Variants in POLA1 observed in about 807,000 individuals in gnomAD.
POLA1 encodes the protein DNA polymerase alpha 1, catalytic subunit.
In POLA1, 15 loss-of-function variants were observed where a neutral mutation model predicts 124.0. The observed-to-expected ratio is 0.12, with a 90% CI of 0.08 to 0.19. The LOEUF is 0.19. Ranked by LOEUF, POLA1 falls within the 10% of genes least tolerant of loss-of-function variation. POLA1 has a pLI of 1.00. For missense variants in POLA1, 886 were observed against 1,103.4 expected (o/e 0.80, Z 2.79); for synonymous variants, 408 against 389.4 (o/e 1.05, Z -0.56).
At chrX:24,989,156 G>A (rs938677249) in intron 36 of POLA1, among the ~76,000 whole-genome samples, 3 of 111,487 alleles carry the variant, frequency 2.7e-5, no homozygotes, top group East Asian at 2.8e-4. Flanking sequence ...AATTTTTATA[G>A]TCCTGGTTCT....
intron 26 of POLA1, among the ~76,000 whole-genome samples, chrX:24,790,632 T>C (rs1008143078): frequency 9.0e-6 from 1 of 110,890 alleles, no homozygotes; most frequent in African/African-American, 3.3e-5. Context: ...TGTTCCAACA[T>C]TAGCTTTTAC....
intron 36 of POLA1, among the ~76,000 whole-genome samples, chrX:24,935,451 G>T (rs2047836409): frequency 8.9e-6 from 1 of 112,810 alleles, no homozygotes; most frequent in Non-Finnish European, 1.9e-5. Flanking sequence ...TGACTTCCCA[G>T]TGGGGGTCTC....
At chrX:24,762,669 AG>A (rs1282051089) in intron 26 of POLA1, among the ~76,000 whole-genome samples, 1 of 110,972 alleles carries the variant, frequency 9.0e-6, no homozygotes, top group Non-Finnish European at 1.9e-5. Flanking sequence ...GCAAGGCTGG[AG>A]GGGTAATCAA....
At chrX:24,811,988 A>G (rs902455988) in intron 28 of POLA1, among the ~76,000 whole-genome samples, 1 of 112,662 alleles carries the variant, frequency 8.9e-6, no homozygotes, top group African/African-American at 3.2e-5. Context: ...ATGTCATCTT[A>G]CAAACTAACA....
chrX:24,782,702 C>T (rs1305020077), intron 26 of POLA1, among the ~76,000 whole-genome samples: 2 of 110,866 alleles, frequency 1.8e-5, no homozygotes, highest in African/African-American at 3.3e-5. Context: ...CCAATAATAC[C>T]GTTTTATTCT....
intron 36 of POLA1, among the ~76,000 whole-genome samples, chrX:24,941,756 T>TAA (rs2047910349): frequency 8.9e-6 from 1 of 112,229 alleles, no homozygotes; most frequent in Non-Finnish European, 1.9e-5. Flanking sequence ...ATCATTGAGT[T>TAA]AAATCAACAC....
intron 26 of POLA1, among the ~76,000 whole-genome samples, chrX:24,797,949 G>A (rs894619971): frequency 9.1e-6 from 1 of 109,620 alleles, no homozygotes. Context: ...TTGGGAGGGT[G>A]ATGTGGGAGG....
chrX:24,893,811 G>A (rs1319876910), intron 35 of POLA1, among the ~76,000 whole-genome samples: 3 of 111,819 alleles, frequency 2.7e-5, no homozygotes, highest in Non-Finnish European at 5.6e-5. Flanking sequence ...CATTTGGATT[G>A]CTTTGTCAGT....
intron 29 of POLA1, 113 bp downstream of exon 29, chrX:24,812,976 TTTA>T (rs2045929701): frequency 5.2e-6 from 2 of 386,246 alleles, no homozygotes; most frequent in Non-Finnish European, 9.0e-6. Context: ...CTTTGTTATT[TTTA>T]TTATTCTTAT....
At chrX:24,991,666 T>C (rs966089536) in intron 36 of POLA1, among the ~76,000 whole-genome samples, 3 of 112,730 alleles carry the variant, frequency 2.7e-5, no homozygotes, top group Admixed American at 9.3e-5. Flanking sequence ...ATCACACTTC[T>C]AAATACTTGT....
At chrX:24,706,382 C>G (rs143880147) in intron 4 of POLA1, among the ~76,000 whole-genome samples, 45 of 111,665 alleles carry the variant, frequency 4.0e-4, no homozygotes, top group African/African-American at 1.4e-3. Context: ...TGGAACCAAC[C>G]ATTTCTCCCA....
At position 24,717,498 on chromosome X, in the gene POLA1, G is replaced by C; in HGVS notation, c.908+7G>C. The C allele has an allele frequency of 8.3e-7, 1 of 1,206,864 alleles. No homozygotes were observed. Among genetic ancestry groups the C allele is most frequent in the East Asian group, 3.0e-5 (1 of 33,828 alleles). Reference sequence around the variant, plus strand: ...AAGGGACCGTGTCCTACTTGTAAGAGCATTTTATGACTTTTCTGGCAAATA... The same window carrying C: ...AAGGGACCGTGTCCTACTTGTAAGACCATTTTATGACTTTTCTGGCAAATA... On this transcript the variant is annotated splice_region_variant and intron_variant, in intron 9 of 36. Coordinates refer to ENST00000379068, the MANE Select transcript of POLA1 (RefSeq NM_001330360.2).
chrX:24,922,514 TG>T (rs1222762733), intron 35 of POLA1, among the ~76,000 whole-genome samples: 1 of 111,899 alleles, frequency 8.9e-6, no homozygotes, highest in Non-Finnish European at 1.9e-5. Flanking sequence ...GTTAATACAT[TG>T]GGGTCTTAAA....
intron 26 of POLA1, among the ~76,000 whole-genome samples, chrX:24,751,749 T>A (rs1160902510): frequency 8.9e-6 from 1 of 112,339 alleles, no homozygotes; most frequent in Non-Finnish European, 1.9e-5. Context: ...CTATGTGATA[T>A]CTTTCTTTGG....
At chrX:24,808,242 A>C (rs2045836582) in intron 26 of POLA1, among the ~76,000 whole-genome samples, 1 of 111,865 alleles carries the variant, frequency 8.9e-6, no homozygotes, top group Admixed American at 9.4e-5. Context: ...CTTCATGGCC[A>C]CCGTGATGGT....
intron 34 of POLA1, among the ~76,000 whole-genome samples, chrX:24,863,958 CTATTTATTTATT>C (rs61095074): frequency 0.023 from 2,200 of 96,950 alleles, 62 homozygotes; most frequent in African/African-American, 0.079. Context: ...TTTTCTGGAA[CTATTTATTTATT>C]TATTTATTTA....
intron 33 of POLA1, among the ~76,000 whole-genome samples, chrX:24,842,204 A>G (rs1251318598): frequency 1.8e-5 from 2 of 111,898 alleles, no homozygotes; most frequent in Non-Finnish European, 3.8e-5. Context: ...CTTATCTTAA[A>G]TCAAGTTACT....
At chrX:24,840,875 CAT>C (rs1420463655) in intron 32 of POLA1, among the ~76,000 whole-genome samples, 3 of 111,967 alleles carry the variant, frequency 2.7e-5, no homozygotes, top group Non-Finnish European at 5.6e-5. Context: ...TTTTGGCACA[CAT>C]GTTTTGACCA....
intron 35 of POLA1, among the ~76,000 whole-genome samples, chrX:24,914,820 A>T (rs2047507610): frequency 9.0e-6 from 1 of 111,417 alleles, no homozygotes; most frequent in Non-Finnish European, 1.9e-5. Flanking sequence ...CTCTATCCTG[A>T]TTTGTTTTCT....
Sources: gnomAD v4.1 joint callset for allele counts (sites outside exome capture counted in the v4.1 genomes callset) on GRCh38, gnomAD v4.1.1 for gene constraint, MANE v1.5 for transcripts, NCBI Gene and HGNC (gene_info 2026-07-23, HGNC 2026-07-21) for gene names.